CNTNAP4: variants seen among roughly 807,000 people sequenced by gnomAD.
CNTNAP4 encodes the protein contactin associated protein family member 4, also known as contactin-associated protein-like 4.
In CNTNAP4, 98 loss-of-function variants were observed where a neutral mutation model predicts 148.4. That is an observed-to-expected ratio of 0.66 (90% CI 0.56 to 0.78). CNTNAP4 has a LOEUF of 0.78. Ranked by LOEUF, CNTNAP4 falls within the 30% of genes least tolerant of loss-of-function variation. The pLI is 0.00. For missense variants in CNTNAP4, 1,935 were observed against 1,565.6 expected, an observed-to-expected ratio of 1.24 and a Z score of -3.98; for synonymous variants, 730 against 565.1, an observed-to-expected ratio of 1.29 and a Z score of -4.14.
At chr16:76,518,302 AT>A (rs2144074026) in intron 15 of CNTNAP4, among the ~76,000 whole-genome samples, 1 of 152,006 alleles carries the variant, frequency 6.6e-6, no homozygotes, top group Admixed American at 6.6e-5. Flanking sequence ...TAATTTTTGC[AT>A]TTTTAGTAGA....
Position 76,316,884 on chromosome 16 carries a change from A to G in CNTNAP4, c.196+361A>G, listed in dbSNP as rs558487547. 4.6e-5 allele frequency among the ~76,000 whole-genome samples: 7 copies of G among 152,332 alleles called. No homozygotes were observed. The South Asian group carries it at 1.0e-3, about 23-fold the overall frequency. Reference sequence around the variant, plus strand: ...AAACGCTAATTATTTAAAAATAACAATCCCTCAGTGTTTTGGATTCTCAAT... The same window carrying G: ...AAACGCTAATTATTTAAAAATAACAGTCCCTCAGTGTTTTGGATTCTCAAT... On this transcript the variant is annotated intron_variant, in intron 2 of 23. Coordinates refer to ENST00000611870, the MANE Select transcript of CNTNAP4 (RefSeq NM_033401.5).
intron 3 of CNTNAP4, among the ~76,000 whole-genome samples, chr16:76,391,774 C>A (rs1307436772): frequency 3.3e-5 from 5 of 152,164 alleles, no homozygotes; most frequent in Non-Finnish European, 7.3e-5. Flanking sequence ...CTAGCATCAG[C>A]ATCATCAGAG....
intron 9 of CNTNAP4, among the ~76,000 whole-genome samples, chr16:76,462,401 T>C (rs1471868430): frequency 2.0e-5 from 3 of 152,208 alleles, no homozygotes; most frequent in African/African-American, 7.2e-5. Context: ...AAATGATCCT[T>C]ATATGTCTTC....
chr16:76,357,904 C>A (rs892416079), intron 3 of CNTNAP4, among the ~76,000 whole-genome samples: 5 of 152,190 alleles, frequency 3.3e-5, no homozygotes, highest in Non-Finnish European at 7.3e-5. Flanking sequence ...TGGTATCCAA[C>A]ATCCAGTGTG....
intron 1 of CNTNAP4, among the ~76,000 whole-genome samples, chr16:76,296,945 G>T (rs1005760643): frequency 6.6e-6 from 1 of 152,092 alleles, no homozygotes; most frequent in Admixed American, 6.6e-5. Context: ...GTTGCTCTCC[G>T]TTGGCAACTG....
intron 2 of CNTNAP4, among the ~76,000 whole-genome samples, chr16:76,346,372 G>A (rs1478260820): frequency 6.7e-6 from 1 of 149,404 alleles, no homozygotes; most frequent in East Asian, 2.0e-4. Flanking sequence ...TGACCCAGAA[G>A]GAGTGATATG....
chr16:76,402,157 T>G (rs1291040026), intron 3 of CNTNAP4, among the ~76,000 whole-genome samples: 1 of 152,182 alleles, frequency 6.6e-6, no homozygotes, highest in Non-Finnish European at 1.5e-5. Flanking sequence ...AATTGAGCTG[T>G]GAATCCGTCT....
chr16:76,480,046 A>G (rs752517970), intron 12 of CNTNAP4, among the ~76,000 whole-genome samples: 1 of 152,168 alleles, frequency 6.6e-6, no homozygotes, highest in Non-Finnish European at 1.5e-5. Flanking sequence ...ATATTAGTTT[A>G]TAGTGGAATT....
chr16:76,294,442 C>A (rs926064805), intron 1 of CNTNAP4, among the ~76,000 whole-genome samples: 1 of 152,070 alleles, frequency 6.6e-6, no homozygotes, highest in African/African-American at 2.4e-5. Context: ...AATTTATCCC[C>A]AAGAATTACA....
chr16:76,303,299 AG>A (rs1316346018), intron 1 of CNTNAP4, among the ~76,000 whole-genome samples: 5 of 152,152 alleles, frequency 3.3e-5, no homozygotes, highest in African/African-American at 7.2e-5. Context: ...CCTTATCACT[AG>A]GAAACATTTC....
chr16:76,523,064 C>G (rs1227517594), intron 17 of CNTNAP4, among the ~76,000 whole-genome samples: 1 of 152,072 alleles, frequency 6.6e-6, no homozygotes, highest in African/African-American at 2.4e-5. Flanking sequence ...TGCACCCAGC[C>G]TTACCTGCTT....
rs2079906372 is a variant in CNTNAP4 at position 76,438,216 on chromosome 16, G to C, written c.539-9796G>C. On this transcript the variant is annotated intron_variant, in intron 4 of 23. Transcript: ENST00000611870. ...TCAGAGAGCAAGGGTCCGTGCTCCT[G>C]CAGACACATTTCCCTCAGATCCTTG... 2.0e-5 allele frequency among the ~76,000 whole-genome samples: 3 copies of C among 152,120 alleles called. No homozygotes were observed. The South Asian group carries it at 6.2e-4, about 32-fold the overall frequency.
chr16:76,420,965 A>G (rs2079169625), intron 3 of CNTNAP4, among the ~76,000 whole-genome samples: 1 of 151,974 alleles, frequency 6.6e-6, no homozygotes, highest in Non-Finnish European at 1.5e-5. Context: ...CGTACATATC[A>G]TATCCTAATA....
chr16:76,395,629 T>A (rs561216712), intron 3 of CNTNAP4, among the ~76,000 whole-genome samples: 6 of 152,268 alleles, frequency 3.9e-5, no homozygotes, highest in African/African-American at 1.2e-4. Context: ...ATAAGTATCT[T>A]CAGTAAAAAT....
intron 17 of CNTNAP4, among the ~76,000 whole-genome samples, chr16:76,530,252 A>G (rs1281430302): frequency 6.6e-6 from 1 of 152,056 alleles, no homozygotes; most frequent in Non-Finnish European, 1.5e-5. Flanking sequence ...AAATGTAGTT[A>G]TGGGAAGAGA....
At chr16:76,295,522 A>G (rs910526155) in intron 1 of CNTNAP4, among the ~76,000 whole-genome samples, 1 of 152,106 alleles carries the variant, frequency 6.6e-6, no homozygotes, top group African/African-American at 2.4e-5. Context: ...ACTTGAGTCC[A>G]CAGAGACTAG....
intron 21 of CNTNAP4, among the ~76,000 whole-genome samples, chr16:76,552,553 C>G (rs996501378): frequency 3.3e-5 from 5 of 152,098 alleles, no homozygotes; most frequent in African/African-American, 1.2e-4. Flanking sequence ...CTCATACTAA[C>G]TAAATTCTTA....
intron 2 of CNTNAP4, among the ~76,000 whole-genome samples, chr16:76,340,678 G>A (rs898399099): frequency 6.6e-6 from 1 of 152,126 alleles, no homozygotes; most frequent in African/African-American, 2.4e-5. Flanking sequence ...ATTCTAGCAT[G>A]CAAACATCAG....
At chr16:76,366,550 T>C (rs770076703) in intron 3 of CNTNAP4, among the ~76,000 whole-genome samples, 17 of 152,230 alleles carry the variant, frequency 1.1e-4, no homozygotes, top group Non-Finnish European at 2.5e-4. Flanking sequence ...GGCATTTATG[T>C]TGATTCCATG....
Sources: gnomAD v4.1 joint callset for allele counts (sites outside exome capture counted in the v4.1 genomes callset) on GRCh38, gnomAD v4.1.1 for gene constraint, MANE v1.5 for transcripts, NCBI Gene and HGNC (gene_info 2026-07-23, HGNC 2026-07-21) for gene names.